Variants in MYO1E observed in about 807,000 individuals in gnomAD.
MYO1E encodes the protein unconventional myosin-Ie.
In MYO1E, 68 loss-of-function variants were observed where a neutral mutation model predicts 151.1. The ratio of observed to expected loss-of-function variants is 0.45; its 90% CI spans 0.37 to 0.55. The LOEUF (loss-of-function observed/expected upper bound fraction) is 0.55. Among genes scored for constraint, MYO1E ranks in the 20% least tolerant of loss-of-function variants. The probability of loss-of-function intolerance (pLI) is 0.00; values close to 1 mark genes in which losing one functional copy is unlikely to be tolerated. For synonymous variants in MYO1E, 601 were observed against 501.7 expected (o/e 1.20, Z -2.64); for missense variants, 1,363 against 1,389.3 (o/e 0.98, Z 0.30).
In MYO1E at chr15:59,243,050, A is replaced by C. The variant is rs117929121; in HGVS notation, c.333-6378T>G. Among the ~76,000 whole-genome samples, 68 of 151,830 alleles carry C rather than the reference A, an allele frequency of 4.5e-4. No individual in the cohort carries two copies. The East Asian group carries it at 0.01, about 23-fold the overall frequency. ...TTAACCATGTCAATGTGTCAGGGAG[A>C]TAAACAAGACAGTGGAAATTCCCAC... is the stretch of plus-strand genomic sequence containing the variant. On this transcript the variant is annotated intron_variant, in intron 4 of 27. Coordinates refer to ENST00000288235, the MANE Select transcript of MYO1E (RefSeq NM_004998.4).
At chr15:59,288,551 A>G (rs1283998319) in intron 1 of MYO1E, among the ~76,000 whole-genome samples, 1 of 152,176 alleles carries the variant, frequency 6.6e-6, no homozygotes, top group Non-Finnish European at 1.5e-5. Context: ...ACAGTACCAG[A>G]TGAGTAAAGT....
chr15:59,297,426 A>G (rs1485017607), intron 1 of MYO1E, among the ~76,000 whole-genome samples: 1 of 62,418 alleles, frequency 1.6e-5, no homozygotes, highest in Non-Finnish European at 4.9e-5. Flanking sequence ...ACGCACCACC[A>G]CACCCAGCTA....
chr15:59,242,949 A>G (rs1287692999), intron 4 of MYO1E, among the ~76,000 whole-genome samples: 2 of 152,178 alleles, frequency 1.3e-5, no homozygotes, highest in Admixed American at 1.3e-4. Flanking sequence ...CACAGAGAAC[A>G]AGATAGAAAA....
At chr15:59,223,256 A>T in intron 8 of MYO1E, 65 bp from the exon 9 acceptor site, 1 of 1,599,166 alleles carries the variant, frequency 6.3e-7, no homozygotes, top group Non-Finnish European at 8.6e-7. Context: ...CCTTAGGAAG[A>T]AGCCAAGGCA....
intron 3 of MYO1E, among the ~76,000 whole-genome samples, chr15:59,259,746 C>T (rs1338091697): frequency 6.6e-6 from 1 of 152,208 alleles, no homozygotes; most frequent in Admixed American, 6.5e-5. Context: ...ATTTTCCAAA[C>T]TCGTTTCCTA....
At chr15:59,158,501 G>C in intron 24 of MYO1E, 122 bp from the exon 25 acceptor site, 1 of 761,492 alleles carries the variant, frequency 1.3e-6, no homozygotes. Context: ...GGATCTGCAG[G>C]AGAACAGTTG....
intron 25 of MYO1E, among the ~76,000 whole-genome samples, chr15:59,154,395 C>T (rs539616216): frequency 9.8e-5 from 15 of 152,304 alleles, no homozygotes; most frequent in South Asian, 6.2e-4. Context: ...AGCCAAACAG[C>T]GATGTCTAGT....
chr15:59,273,805 G>A (rs746531485), intron 1 of MYO1E, among the ~76,000 whole-genome samples: 13 of 152,224 alleles, frequency 8.5e-5, no homozygotes, highest in African/African-American at 1.7e-4. Flanking sequence ...TCTACTGGGA[G>A]TGTCGCCAGT....
chr15:59,219,923 C>A (rs929804142), intron 9 of MYO1E, among the ~76,000 whole-genome samples: 3 of 152,196 alleles, frequency 2.0e-5, no homozygotes, highest in African/African-American at 7.2e-5. Flanking sequence ...TGAGAAACTT[C>A]TTTGCGATGT....
intron 22 of MYO1E, among the ~76,000 whole-genome samples, chr15:59,167,780 G>A (rs1473888219): frequency 6.6e-6 from 1 of 152,160 alleles, no homozygotes; most frequent in Non-Finnish European, 1.5e-5. Flanking sequence ...GGGCTCAAGC[G>A]ATTCTCCTGC....
chr15:59,197,969 C>T (rs1304726073), intron 16 of MYO1E, among the ~76,000 whole-genome samples: 3 of 152,158 alleles, frequency 2.0e-5, no homozygotes, highest in South Asian at 2.1e-4. Flanking sequence ...TCGAGTGATC[C>T]TTCCACCTCA....
chr15:59,294,738 A>G (rs1319932066), intron 1 of MYO1E, among the ~76,000 whole-genome samples: 3 of 152,118 alleles, frequency 2.0e-5, no homozygotes, highest in African/African-American at 7.2e-5. Context: ...AGTGAGGTTC[A>G]AATTCCTTAG....
intron 5 of MYO1E, among the ~76,000 whole-genome samples, 195 bp downstream of exon 5, chr15:59,236,390 A>T (rs2080065641): frequency 7.3e-6 from 1 of 136,438 alleles, no homozygotes; most frequent in African/African-American, 2.6e-5. Context: ...ACACACACAC[A>T]CACACACACA....
chr15:59,194,351 A>C lies in MYO1E; in HGVS notation c.1805+1110T>G, dbSNP rs185356515. On this transcript the variant is annotated intron_variant, in intron 17 of 27. Coordinates refer to ENST00000288235, the MANE Select transcript of MYO1E (RefSeq NM_004998.4). The stretch of plus-strand genomic sequence containing the variant: ...TAAATAGAACGAACTTTCAGACAGT[A>C]AATGTTTGACCTACGTGTTTTTCTT... 2.7e-3 allele frequency among the ~76,000 whole-genome samples: 407 copies of C among 152,260 alleles called. 1 individual carries two copies. The highest frequency in any genetic ancestry group is 3.0e-3 in the Non-Finnish European group (206 of 68,018).
intron 1 of MYO1E, among the ~76,000 whole-genome samples, chr15:59,301,448 A>G (rs529949756): frequency 6.6e-6 from 1 of 152,188 alleles, no homozygotes; most frequent in Non-Finnish European, 1.5e-5. Flanking sequence ...GCAATCCTGA[A>G]AGCCAGCCTT....
Position 59,172,080 on chromosome 15 carries a change from G to A in MYO1E, c.2335-38C>T, listed in dbSNP as rs776805500. On this transcript the variant is annotated intron_variant, in intron 21 of 27. Transcript: ENST00000288235. ...GAGCTTTAAGAAGCTGGACAGGCCA[G>A]GCATGGTGGCTCACACCTGTAATCC... is the stretch of plus-strand genomic sequence containing the variant. The A allele has an allele frequency of 7.4e-5, 119 of 1,608,392 alleles. 1 individual carries two copies. In the East Asian group the frequency reaches 2.5e-3, roughly 34 times the overall value.
At chr15:59,187,921 A>T (rs548338961) in intron 18 of MYO1E, among the ~76,000 whole-genome samples, 197 bp downstream of exon 18, 1 of 152,230 alleles carries the variant, frequency 6.6e-6, no homozygotes, top group Non-Finnish European at 1.5e-5. Context: ...GGAGAATTGG[A>T]GGTTGACAAC....
intron 1 of MYO1E, among the ~76,000 whole-genome samples, chr15:59,362,867 TG>T: frequency 6.6e-6 from 1 of 152,266 alleles, no homozygotes; most frequent in South Asian, 2.1e-4. Flanking sequence ...TGTTGTATTC[TG>T]TAATGTATTT....
intron 9 of MYO1E, among the ~76,000 whole-genome samples, chr15:59,219,083 G>T (rs2079937872): frequency 1.3e-5 from 2 of 152,194 alleles, no homozygotes; most frequent in South Asian, 4.1e-4. Context: ...GTGAAATGAA[G>T]GGGATGGTAT....
Sources: allele counts gnomAD v4.1 joint callset (sites outside exome capture counted in the v4.1 genomes callset), GRCh38; gene constraint gnomAD v4.1.1; transcripts MANE v1.5; gene names NCBI Gene and HGNC (gene_info 2026-07-23, HGNC 2026-07-21).